The following CLDN16 variants were observed in gnomAD, a reference collection of about 807,000 sequenced individuals.
The protein encoded by CLDN16 is claudin-16.
A neutral mutation model predicts 24.6 loss-of-function variants in CLDN16; 13 were observed. That is an observed-to-expected ratio of 0.53 (90% confidence interval 0.34 to 0.84). The LOEUF is 0.84. Ranked by LOEUF, CLDN16 falls within the 40% of genes least tolerant of loss-of-function variation. The probability of loss-of-function intolerance (pLI) is 0.01; values close to 1 mark genes in which losing one functional copy is unlikely to be tolerated. For missense variants in CLDN16, 298 were observed against 292.7 expected (o/e 1.02, Z -0.13); for synonymous variants, 116 against 106.7 (o/e 1.09, Z -0.54).
At chr3:190,296,129 T>C in the CLDN16 span, among the ~76,000 whole-genome samples, 87,849 of 152,080 alleles carry the variant, frequency 0.58, 26,053 homozygotes, top group African/African-American at 0.71. Context: ...TATTTGAGCT[T>C]TACTATGTGA....
intron 1 of CLDN16, among the ~76,000 whole-genome samples, chr3:190,396,058 C>T (rs1167280366): frequency 6.6e-6 from 1 of 152,100 alleles, no homozygotes; most frequent in African/African-American, 2.4e-5. Context: ...ATTGTTGCTG[C>T]TTATATTTCA....
intron 1 of CLDN16, among the ~76,000 whole-genome samples, chr3:190,334,670 G>T (rs61489163): frequency 1.3e-5 from 2 of 152,236 alleles, no homozygotes; most frequent in Non-Finnish European, 2.9e-5. Context: ...GGTAGATGTT[G>T]TTGGTAACCA....
upstream of CLDN16, among the ~76,000 whole-genome samples, chr3:190,387,076 T>C (rs1389724268): frequency 6.6e-6 from 1 of 152,192 alleles, no homozygotes; most frequent in Non-Finnish European, 1.5e-5. Context: ...CCCAATTTCT[T>C]TCTCTCACTC....
chr3:190,312,082 C>T, the CLDN16 span, among the ~76,000 whole-genome samples: 2 of 151,666 alleles, frequency 1.3e-5, no homozygotes, highest in Non-Finnish European at 1.5e-5. Flanking sequence ...AGGCGTGCAC[C>T]ACCACACCCA....
chr3:190,341,974 T>C (rs113243474), intron 1 of CLDN16, among the ~76,000 whole-genome samples: 10,453 of 152,240 alleles, frequency 0.069, 552 homozygotes, highest in African/African-American at 0.14. Context: ...AAAAGGTCCT[T>C]ATTTCCATCT....
intron 1 of CLDN16, among the ~76,000 whole-genome samples, chr3:190,339,770 G>A (rs1004329264): frequency 6.6e-6 from 1 of 152,150 alleles, no homozygotes; most frequent in African/African-American, 2.4e-5. Context: ...GGAGCTTGTA[G>A]TCTTAATAGT....
At chr3:190,396,776 G>T (rs1560096313) in intron 1 of CLDN16, among the ~76,000 whole-genome samples, 1 of 152,214 alleles carries the variant, frequency 6.6e-6, no homozygotes, top group Non-Finnish European at 1.5e-5. Context: ...ATGCCAGCTA[G>T]AGAGACTTGG....
intron 1 of CLDN16, among the ~76,000 whole-genome samples, chr3:190,347,170 G>A (rs556807785): frequency 2.4e-4 from 37 of 152,272 alleles, no homozygotes; most frequent in African/African-American, 8.2e-4. Context: ...GCTAGGAAAC[G>A]ATTGCAGAGC....
upstream of CLDN16, chr3:190,322,432 C>T (rs1716955237): frequency 1.7e-6 from 1 of 585,664 alleles, no homozygotes; most frequent in South Asian, 2.0e-5. Flanking sequence ...TGCTCCCAGG[C>T]TCGGGAACTG....
chr3:190,378,952 A>G (rs1031504184), intron 3 of CLDN16, among the ~76,000 whole-genome samples: 2 of 152,092 alleles, frequency 1.3e-5, no homozygotes, highest in Non-Finnish European at 2.9e-5. Flanking sequence ...AAAAATAAAT[A>G]CAAATGTTTA....
intron 1 of CLDN16, among the ~76,000 whole-genome samples, chr3:190,336,741 G>A (rs1010480446): frequency 5.9e-5 from 9 of 152,222 alleles, no homozygotes; most frequent in Non-Finnish European, 1.0e-4. Flanking sequence ...GTGGAGCAAG[G>A]CCATGCCATC....
upstream of CLDN16, chr3:190,322,481 C>T: frequency 2.1e-6 from 1 of 482,928 alleles, no homozygotes; most frequent in South Asian, 2.2e-5. Context: ...TAAAGCAGCT[C>T]CGCCCGCCTC....
At chr3:190,387,807 C>T (rs1718542298), upstream of CLDN16, 3 of 381,710 alleles carry the variant, frequency 7.9e-6, no homozygotes, top group Admixed American at 7.5e-5. Flanking sequence ...GCCTGTCTGT[C>T]TAAAGTAGTC....
chr3:190,350,644 C>A (rs1717653042), intron 1 of CLDN16, among the ~76,000 whole-genome samples: 1 of 152,134 alleles, frequency 6.6e-6, no homozygotes, highest in South Asian at 2.1e-4. Flanking sequence ...GAGAATGCAC[C>A]TTCCAGACCT....
At chr3:190,367,487 C>T (rs886150191) in intron 1 of CLDN16, among the ~76,000 whole-genome samples, 2 of 151,860 alleles carry the variant, frequency 1.3e-5, no homozygotes, top group Non-Finnish European at 2.9e-5. Context: ...AAATTCAATA[C>T]CTGCCTGTTG....
chr3:190,363,554 G>GCATATATATATATATATATATATA (rs10663299), intron 1 of CLDN16, among the ~76,000 whole-genome samples: 1 of 81,362 alleles, frequency 1.2e-5, no homozygotes, highest in Non-Finnish European at 2.3e-5. Flanking sequence ...GTGTGTGTGT[G>GCATATATATATATATATATATATA]TGTATATATA....
chr3:190,294,476 T>A, the CLDN16 span, among the ~76,000 whole-genome samples: 1 of 152,142 alleles, frequency 6.6e-6, no homozygotes, highest in South Asian at 2.1e-4. Flanking sequence ...ATTTAATTTT[T>A]AAATTTTCTG....
chr3:190,316,698 C>G, the CLDN16 span, among the ~76,000 whole-genome samples: 38 of 152,250 alleles, frequency 2.5e-4, no homozygotes, highest in Non-Finnish European at 4.7e-4. Context: ...TCTAAAGCAC[C>G]AAGCACAGTA....
intron 1 of CLDN16, among the ~76,000 whole-genome samples, chr3:190,353,852 C>T (rs1165565380): frequency 6.6e-6 from 1 of 151,990 alleles, no homozygotes; most frequent in Non-Finnish European, 1.5e-5. Flanking sequence ...GTACTAGTTT[C>T]CTGTGGCTGT....
Sources: gnomAD v4.1 joint callset for allele counts (sites outside exome capture counted in the v4.1 genomes callset) on GRCh38, gnomAD v4.1.1 for gene constraint, MANE v1.5 for transcripts, NCBI Gene and HGNC (gene_info 2026-07-23, HGNC 2026-07-21) for gene names.